The following TMEM135 variants were observed in gnomAD, a reference collection of about 807,000 sequenced individuals.
The protein encoded by TMEM135 is transmembrane protein 135, also known as peroxisomal membrane protein 52.
Under a neutral mutation model 60.3 loss-of-function variants are expected in TMEM135, and 30 were observed. That is an observed-to-expected ratio of 0.50 (90% CI 0.37 to 0.68). The LOEUF (loss-of-function observed/expected upper bound fraction) is 0.68, where lower values mean the gene tolerates loss of function less well. TMEM135 is among the 30% of genes least tolerant of loss of function. TMEM135 has a pLI of 0.00. For missense variants in TMEM135, 468 were observed against 548.8 expected, an observed-to-expected ratio of 0.85 and a Z score of 1.47; for synonymous variants, 190 against 186.7, an observed-to-expected ratio of 1.02 and a Z score of -0.14.
intron 2 of TMEM135, among the ~76,000 whole-genome samples, chr11:87,068,721 G>C (rs1278393095): frequency 6.6e-6 from 1 of 150,702 alleles, no homozygotes. Flanking sequence ...TGAGCCAGGA[G>C]AATGGCATAA....
chr11:87,185,058 C>G (rs591818), intron 5 of TMEM135, among the ~76,000 whole-genome samples: 19,705 of 152,144 alleles, frequency 0.13, 1,345 homozygotes, highest in Non-Finnish European at 0.15. Context: ...CTTTATATCC[C>G]TAACCACTAC....
chr11:87,085,554 C>T (rs571714713), intron 3 of TMEM135, among the ~76,000 whole-genome samples: 10 of 152,142 alleles, frequency 6.6e-5, no homozygotes, highest in Middle Eastern at 3.4e-3. Flanking sequence ...CTCAGGATTT[C>T]GAGACCAGCC....
chr11:87,170,382 T>C (rs912097124), intron 5 of TMEM135, among the ~76,000 whole-genome samples: 1 of 152,168 alleles, frequency 6.6e-6, no homozygotes, highest in African/African-American at 2.4e-5. Context: ...TTTTGGAATT[T>C]TCAGCCTTTT....
Position 87,158,464 on chromosome 11 carries a change from A to ATTT in TMEM135, c.462+1071_462+1073dup, listed in dbSNP as rs60730766. Among the ~76,000 whole-genome samples the ATTT allele has an allele frequency of 1.7e-3, 233 of 140,598 alleles. 1 individual carries two copies. Among genetic ancestry groups the ATTT allele is most frequent in the Middle Eastern group, 0.015 (4 of 268 alleles). The allele number at this position is 140,598 out of a possible 152,430, so 92.2% of individuals were successfully genotyped here. A position where few individuals can be genotyped will look rare whatever the true frequency, so the allele number is the denominator to read the frequency against. On this transcript the variant is annotated intron_variant, in intron 5 of 14. Coordinates refer to ENST00000305494, the MANE Select transcript of TMEM135 (RefSeq NM_022918.4). ...TATATTTGCAAATCACCTTGGTATA[A>ATTT]TTTTTTTTTTTTTTTGAGACAGAGT...
intron 6 of TMEM135, among the ~76,000 whole-genome samples, chr11:87,266,600 AACT>A (rs1941752744): frequency 6.6e-6 from 1 of 152,112 alleles, no homozygotes; most frequent in African/African-American, 2.4e-5. Flanking sequence ...TTATAGCTTT[AACT>A]ACTATCTAAT....
intron 1 of TMEM135, among the ~76,000 whole-genome samples, chr11:87,056,414 CT>C (rs1463467266): frequency 6.6e-6 from 1 of 152,154 alleles, no homozygotes; most frequent in Non-Finnish European, 1.5e-5. Context: ...GGCCAAGCAT[CT>C]TTTTAAAGCT....
chr11:87,286,271 T>C (rs953551263), intron 6 of TMEM135, among the ~76,000 whole-genome samples: 1 of 141,548 alleles, frequency 7.1e-6, no homozygotes, highest in Admixed American at 7.0e-5. Context: ...CTTATTGGTG[T>C]ATTTACGATC....
chr11:87,305,900 T>C (rs924856258), intron 8 of TMEM135, 36 bp from the exon 9 acceptor site: 3 of 1,549,812 alleles, frequency 1.9e-6, no homozygotes, highest in Non-Finnish European at 2.7e-6. Context: ...CACACTTTAA[T>C]TATAATTAGT....
intron 7 of TMEM135, among the ~76,000 whole-genome samples, chr11:87,301,975 C>T (rs1323484052): frequency 6.6e-6 from 1 of 152,098 alleles, no homozygotes; most frequent in Non-Finnish European, 1.5e-5. Flanking sequence ...TACAGATGAC[C>T]TAGTGTGCTG....
intron 1 of TMEM135, among the ~76,000 whole-genome samples, chr11:87,045,461 A>G (rs773450581): frequency 3.8e-4 from 57 of 151,516 alleles, no homozygotes; most frequent in Non-Finnish European, 6.3e-4. Context: ...TTCTCAACTC[A>G]CTGTTTTCTG....
chr11:87,305,804 T>TAAATAAAGAAAGAAAGAAAGAAAG (rs1026222945), intron 8 of TMEM135, 132 bp from the exon 9 acceptor site: 42 of 412,440 alleles, frequency 1.0e-4, no homozygotes, highest in Non-Finnish European at 1.7e-4. Flanking sequence ...AATAAATAAA[T>TAAATAAAGAAAGAAAGAAAGAAAG]AAAGTGATGT....
At chr11:87,070,652 C>CAAA (rs3045965) in intron 2 of TMEM135, among the ~76,000 whole-genome samples, 1 of 151,576 alleles carries the variant, frequency 6.6e-6, no homozygotes, top group African/African-American at 2.4e-5. Context: ...ACAACAACAA[C>CAAA]AAAAAACCAA....
At chr11:87,311,125 G>C (rs574312820) in intron 10 of TMEM135, among the ~76,000 whole-genome samples, 1 of 146,548 alleles carries the variant, frequency 6.8e-6, no homozygotes, top group Admixed American at 6.8e-5. Context: ...ATATATATAC[G>C]TACACATATA....
chr11:87,138,539 C>T (rs1429715969), intron 4 of TMEM135, among the ~76,000 whole-genome samples: 1 of 152,100 alleles, frequency 6.6e-6, no homozygotes, highest in Non-Finnish European at 1.5e-5. Context: ...TTGACATAGT[C>T]CAAACAATGA....
intron 5 of TMEM135, among the ~76,000 whole-genome samples, chr11:87,194,014 A>G (rs999355792): frequency 3.3e-5 from 5 of 152,124 alleles, no homozygotes; most frequent in Non-Finnish European, 5.9e-5. Context: ...AGTAATGTTC[A>G]TGACATTCAT....
intron 1 of TMEM135, among the ~76,000 whole-genome samples, chr11:87,049,728 C>CAA (rs1466978391): frequency 1.1e-5 from 1 of 87,388 alleles, no homozygotes; most frequent in African/African-American, 5.4e-5. Context: ...GAGACTTTAA[C>CAA]ACCCCACTGT....
At chr11:87,276,956 G>A (rs962239729) in intron 6 of TMEM135, among the ~76,000 whole-genome samples, 4 of 151,826 alleles carry the variant, frequency 2.6e-5, no homozygotes, top group Non-Finnish European at 5.9e-5. Context: ...ACAGGCGTGA[G>A]CCACTTTACC....
At chr11:87,163,979 T>C (rs919789595) in intron 5 of TMEM135, among the ~76,000 whole-genome samples, 163 of 148,714 alleles carry the variant, frequency 1.1e-3, no homozygotes, top group African/African-American at 4.0e-3. Flanking sequence ...TTTCTCCCAT[T>C]TTGTAGGATG....
At chr11:87,251,024 A>G (rs1225434519) in intron 6 of TMEM135, among the ~76,000 whole-genome samples, 2 of 152,158 alleles carry the variant, frequency 1.3e-5, no homozygotes, top group Non-Finnish European at 2.9e-5. Context: ...GAGGAAGATG[A>G]AAAACGCTGG....
Sources: allele counts gnomAD v4.1 joint callset (sites outside exome capture counted in the v4.1 genomes callset), GRCh38; gene constraint gnomAD v4.1.1; transcripts MANE v1.5; gene names NCBI Gene and HGNC (gene_info 2026-07-23, HGNC 2026-07-21).